Variants in CNTN5 observed in about 807,000 individuals in gnomAD.
The protein encoded by CNTN5 is contactin-5.
A neutral mutation model predicts 129.1 loss-of-function variants in CNTN5; 77 were observed. The observed-to-expected ratio is 0.60, with a 90% CI of 0.50 to 0.72. CNTN5 has a LOEUF of 0.72. CNTN5 is among the 30% of genes least tolerant of loss of function. The pLI is 0.00. For missense variants in CNTN5, 1,478 were observed against 1,328.8 expected (o/e 1.11, Z -1.75); for synonymous variants, 509 against 465.6 (o/e 1.09, Z -1.20).
chr11:100,180,919 T>C (rs1293055457), intron 13 of CNTN5, among the ~76,000 whole-genome samples: 1 of 151,986 alleles, frequency 6.6e-6, no homozygotes, highest in Non-Finnish European at 1.5e-5. Flanking sequence ...CTGGTGATGA[T>C]GTGTACAAAG....
intron 2 of CNTN5, among the ~76,000 whole-genome samples, chr11:99,373,466 C>G (rs1414539999): frequency 6.6e-6 from 1 of 151,804 alleles, no homozygotes; most frequent in Non-Finnish European, 1.5e-5. Flanking sequence ...GTAATCCCAG[C>G]ACTTTGGGAG....
At chr11:99,877,692 A>G (rs1948669672) in intron 6 of CNTN5, among the ~76,000 whole-genome samples, 1 of 152,230 alleles carries the variant, frequency 6.6e-6, no homozygotes, top group African/African-American at 2.4e-5. Flanking sequence ...TTAAAATTAC[A>G]TGCTGTAGTA....
At chr11:99,593,693 C>T (rs1440450690) in intron 3 of CNTN5, among the ~76,000 whole-genome samples, 1 of 152,104 alleles carries the variant, frequency 6.6e-6, no homozygotes, top group Non-Finnish European at 1.5e-5. Flanking sequence ...TTTGTTCTTC[C>T]CATCAACAAA....
chr11:99,145,907 G>T (rs1340577226), intron 1 of CNTN5, among the ~76,000 whole-genome samples: 1 of 152,040 alleles, frequency 6.6e-6, no homozygotes, highest in Non-Finnish European at 1.5e-5. Flanking sequence ...AATAATAAAT[G>T]TGAAAACCCT....
At chr11:99,880,289 A>G (rs960779548) in intron 6 of CNTN5, among the ~76,000 whole-genome samples, 7 of 152,212 alleles carry the variant, frequency 4.6e-5, no homozygotes, top group Non-Finnish European at 1.0e-4. Context: ...TTTGTAATTC[A>G]CAGAGTGGTA....
At chr11:100,055,742 T>C (rs534328365) in intron 9 of CNTN5, among the ~76,000 whole-genome samples, 1 of 151,790 alleles carries the variant, frequency 6.6e-6, no homozygotes, top group East Asian at 1.9e-4. Context: ...TCTGTGGCTT[T>C]AGTCATGCTT....
At chr11:99,114,179 C>A (rs896905929) in intron 1 of CNTN5, among the ~76,000 whole-genome samples, 3 of 150,992 alleles carry the variant, frequency 2.0e-5, no homozygotes, top group African/African-American at 7.3e-5. Flanking sequence ...TGATCAAATC[C>A]ATTTCAGCCT....
At chr11:99,748,894 GATA>G (rs1944144972) in intron 3 of CNTN5, among the ~76,000 whole-genome samples, 1 of 152,252 alleles carries the variant, frequency 6.6e-6, no homozygotes, top group African/African-American at 2.4e-5. Context: ...CATGCCTAGA[GATA>G]ATATTTTACC....
intron 3 of CNTN5, among the ~76,000 whole-genome samples, chr11:99,717,178 A>C (rs1209548132): frequency 6.6e-6 from 1 of 152,056 alleles, no homozygotes; most frequent in African/African-American, 2.4e-5. Context: ...TAATGCTTGC[A>C]AACCTGTAGT....
chr11:99,032,763 T>G (rs1464490282), intron 1 of CNTN5, among the ~76,000 whole-genome samples: 1 of 149,398 alleles, frequency 6.7e-6, no homozygotes, highest in Non-Finnish European at 1.5e-5. Context: ...CAGAAGCTCT[T>G]TAGTTTAATT....
chr11:100,285,790 T>G (rs1950769421), intron 18 of CNTN5, among the ~76,000 whole-genome samples: 1 of 152,114 alleles, frequency 6.6e-6, no homozygotes, highest in Admixed American at 6.5e-5. Context: ...GGTCTACAGC[T>G]CCCAGCGTGA....
At chr11:99,924,988 TGAA>T (rs1383429015) in intron 7 of CNTN5, among the ~76,000 whole-genome samples, 7 of 152,172 alleles carry the variant, frequency 4.6e-5, no homozygotes, top group African/African-American at 1.4e-4. Flanking sequence ...TGTGAATACA[TGAA>T]GTCTTATATA....
At chr11:100,022,260 A>C (rs1272573372) in intron 9 of CNTN5, among the ~76,000 whole-genome samples, 1 of 152,186 alleles carries the variant, frequency 6.6e-6, no homozygotes, top group Admixed American at 6.5e-5. Context: ...TTTCATATTT[A>C]AAATAGATTT....
chr11:100,068,589 A>C (rs1454998215), intron 10 of CNTN5, among the ~76,000 whole-genome samples: 6 of 152,146 alleles, frequency 3.9e-5, no homozygotes, highest in Non-Finnish European at 8.8e-5. Context: ...AGTAGAGTTT[A>C]ATATTGTTTG....
intron 3 of CNTN5, among the ~76,000 whole-genome samples, chr11:99,708,326 A>G (rs918731497): frequency 2.0e-5 from 3 of 151,762 alleles, no homozygotes; most frequent in African/African-American, 7.2e-5. Flanking sequence ...GAGATGCATT[A>G]AATAAGTTTA....
chr11:99,555,224 A>G (rs1948625885), intron 2 of CNTN5, among the ~76,000 whole-genome samples: 1 of 152,006 alleles, frequency 6.6e-6, no homozygotes, highest in South Asian at 2.1e-4. Flanking sequence ...CTAATTTCAT[A>G]AGGAGGGATC....
chr11:100,340,396 A>T (rs1952131857), intron 21 of CNTN5, 67 bp from the exon 22 acceptor site: 1 of 1,211,136 alleles, frequency 8.3e-7, no homozygotes, highest in Non-Finnish European at 1.2e-6. Flanking sequence ...AAAGAGAAAA[A>T]GTTCAAGCAG....
intron 1 of CNTN5, among the ~76,000 whole-genome samples, chr11:99,262,816 G>A (rs912958550): frequency 1.3e-5 from 2 of 151,924 alleles, no homozygotes; most frequent in African/African-American, 2.4e-5. Context: ...TTATGAGTTA[G>A]ATAAAGGTAA....
chr11:99,448,947 AT>A (rs1565591114), intron 2 of CNTN5, among the ~76,000 whole-genome samples: 1 of 151,012 alleles, frequency 6.6e-6, no homozygotes, highest in Non-Finnish European at 1.5e-5. Flanking sequence ...TGCCTGGCTA[AT>A]TTTTGTGTTT....
Sources: gnomAD v4.1 joint callset for allele counts (sites outside exome capture counted in the v4.1 genomes callset) on GRCh38, gnomAD v4.1.1 for gene constraint, MANE v1.5 for transcripts, NCBI Gene and HGNC (gene_info 2026-07-23, HGNC 2026-07-21) for gene names.